Variants in MFHAS1 observed in about 807,000 individuals in gnomAD.
The protein encoded by MFHAS1 is malignant fibrous histiocytoma-amplified sequence 1.
Under a neutral mutation model 70.4 loss-of-function variants are expected in MFHAS1, and 50 were observed. The ratio of observed to expected loss-of-function variants is 0.71; its 90% confidence interval spans 0.57 to 0.90. MFHAS1 has a LOEUF of 0.90. MFHAS1 is among the 40% of genes least tolerant of loss of function. The pLI is 0.00. For missense variants in MFHAS1, 1,795 were observed against 1,347.6 expected (o/e 1.33, Z -5.20); for synonymous variants, 952 against 620.0 (o/e 1.54, Z -7.96).
At chr8:8,848,819 C>A (rs1402717342) in intron 1 of MFHAS1, among the ~76,000 whole-genome samples, 1 of 152,110 alleles carries the variant, frequency 6.6e-6, no homozygotes, top group Admixed American at 6.6e-5. Flanking sequence ...AGCCACAGAA[C>A]CAATTTAATC....
At chr8:8,844,064 A>G (rs1331477915) in intron 1 of MFHAS1, among the ~76,000 whole-genome samples, 4 of 152,226 alleles carry the variant, frequency 2.6e-5, no homozygotes, top group Non-Finnish European at 5.9e-5. Context: ...ATCCTTTTGA[A>G]AAGAATGACA....
At chr8:8,806,100 G>C (rs1356647610) in intron 1 of MFHAS1, among the ~76,000 whole-genome samples, 3 of 152,136 alleles carry the variant, frequency 2.0e-5, no homozygotes, top group Non-Finnish European at 4.4e-5. Flanking sequence ...CTGGTTATTT[G>C]CAATTCCTCT....
intron 1 of MFHAS1, among the ~76,000 whole-genome samples, chr8:8,882,814 G>C (rs140875273): frequency 1.3e-5 from 2 of 152,048 alleles, no homozygotes; most frequent in African/African-American, 4.8e-5. Flanking sequence ...CCCAGAAGAA[G>C]GTAAACCTGA....
rs961139847 is a variant in MFHAS1, at chr8:8,826,215, G to C, written c.2999-28724C>G. Among the ~76,000 whole-genome samples, 3 of 151,554 alleles carry C rather than the reference G, an allele frequency of 2.0e-5. No individual in the cohort carries two copies. In the South Asian group the frequency reaches 6.3e-4, roughly 32 times the overall value. On this transcript the variant is annotated intron_variant, in intron 1 of 2. Transcript: ENST00000276282. ...AACTACTGTTACCCATTTCTCAGGC[G>C]CCTTCCAGAAATACTGCATGCAAAC...
chr8:8,835,070 G>C (rs977292168), intron 1 of MFHAS1, among the ~76,000 whole-genome samples: 3 of 152,122 alleles, frequency 2.0e-5, no homozygotes, highest in African/African-American at 7.2e-5. Flanking sequence ...CATACTAAAT[G>C]ACTGAATGTA....
At chr8:8,787,468 T>C (rs1373916862) in intron 2 of MFHAS1, among the ~76,000 whole-genome samples, 1 of 152,186 alleles carries the variant, frequency 6.6e-6, no homozygotes, top group Non-Finnish European at 1.5e-5. Flanking sequence ...GAGCCAGGCC[T>C]TTCACTAGGG....
intron 1 of MFHAS1, among the ~76,000 whole-genome samples, chr8:8,883,694 C>G (rs372442655): frequency 5.6e-5 from 6 of 108,018 alleles, no homozygotes; most frequent in Admixed American, 1.3e-4. Flanking sequence ...GGCAACAGAG[C>G]GAGACTCAGT....
At chr8:8,882,387 T>G (rs542118115) in intron 1 of MFHAS1, among the ~76,000 whole-genome samples, 63 of 150,564 alleles carry the variant, frequency 4.2e-4, no homozygotes, top group Non-Finnish European at 6.6e-4. Flanking sequence ...AGACTCAGTC[T>G]CAAAACAAAC....
Position 8,797,391 on chromosome 8 carries a change from C to T in MFHAS1, c.3099G>A (p.Thr1033=), listed in dbSNP as rs146481883. The T allele has an allele frequency of 1.7e-4, 272 of 1,613,844 alleles. No homozygotes were observed. The highest frequency in any genetic ancestry group is 2.1e-4 in the Non-Finnish European group (249 of 1,179,974). The change falls in exon 2 of 3, where the codon ACG becomes ACA. Residue 1033 remains threonine (T), a synonymous_variant. Coordinates refer to ENST00000276282, the MANE Select transcript of MFHAS1 (RefSeq NM_004225.3). ...TGGAACAGGGGCTGATCACAGTCGG[C>T]GTGGGTGGGTAAACCAAGGCAACAT... ...RVNVALVYPP[T]PTVISPCSKK...
chr8:8,882,513 G>A (rs538083813), intron 1 of MFHAS1, among the ~76,000 whole-genome samples: 3 of 152,356 alleles, frequency 2.0e-5, no homozygotes, highest in African/African-American at 7.2e-5. Flanking sequence ...TCAGGAGGCT[G>A]AGGCAGAAGA....
chr8:8,856,995 AAAAAAAAAAAAAAG>A (rs1036101802), intron 1 of MFHAS1, among the ~76,000 whole-genome samples: 6 of 146,796 alleles, frequency 4.1e-5, no homozygotes, highest in African/African-American at 1.5e-4. Flanking sequence ...AAAAAAAAAA[AAAAAAAAAAAAAAG>A]AGGAGAGATA....
At chr8:8,826,247 AGTGTGT>A (rs112140342) in intron 1 of MFHAS1, among the ~76,000 whole-genome samples, 39 of 147,866 alleles carry the variant, frequency 2.6e-4, no homozygotes, top group African/African-American at 7.7e-4. Context: ...AAACACAAAG[AGTGTGT>A]GTGTGTGTGT....
chr8:8,858,592 G>A (rs1808538775), intron 1 of MFHAS1, among the ~76,000 whole-genome samples: 1 of 151,952 alleles, frequency 6.6e-6, no homozygotes, highest in Non-Finnish European at 1.5e-5. Context: ...CTTCATTGTG[G>A]CGATGGCCTC....
At chr8:8,870,049 T>C (rs1225745047) in intron 1 of MFHAS1, among the ~76,000 whole-genome samples, 1 of 152,160 alleles carries the variant, frequency 6.6e-6, no homozygotes, top group Non-Finnish European at 1.5e-5. Context: ...CCCTTCAGTA[T>C]TTTCCTCTCA....
chr8:8,881,008 C>G (rs985008786), intron 1 of MFHAS1, among the ~76,000 whole-genome samples: 6 of 152,082 alleles, frequency 3.9e-5, no homozygotes, highest in African/African-American at 1.4e-4. Context: ...ATGGGTGAAA[C>G]AGGCTCCAAA....
rs115207693 is a variant in MFHAS1, at chr8:8,878,438, T to C, written c.2998+11623A>G. On this transcript the variant is annotated intron_variant, in intron 1 of 2. Coordinates refer to ENST00000276282, the MANE Select transcript of MFHAS1 (RefSeq NM_004225.3). The stretch of plus-strand genomic sequence containing the variant: ...ATCACCCCTAGGAGGCACTTAGCAC[T>C]GTCTCTGCAACATGAGAAAACGTCA... Among the ~76,000 whole-genome samples the C allele has an allele frequency of 7.5e-3, 1,137 of 152,318 alleles. 20 individuals are homozygous for C. The highest frequency in any genetic ancestry group is 0.026 in the African/African-American group (1,092 of 41,568).
chr8:8,821,107 G>C (rs954960263), intron 1 of MFHAS1, among the ~76,000 whole-genome samples: 2 of 152,144 alleles, frequency 1.3e-5, no homozygotes, highest in Non-Finnish European at 2.9e-5. Context: ...GTTCCCAGGG[G>C]TCTGCAGGTC....
In MFHAS1 at chr8:8,891,025, T is replaced by C. The variant is rs1281113362; in HGVS notation, c.2034A>G (p.Arg678=). The C allele has an allele frequency of 1.9e-6, 3 of 1,613,474 alleles. No individual in the cohort carries two copies. The African/African-American group carries it at 4.0e-5, about 22-fold the overall frequency. The change falls in exon 1 of 3, where the codon CGA becomes CGG. Residue 678 remains arginine (R), a synonymous_variant. Coordinates refer to ENST00000276282, the MANE Select transcript of MFHAS1 (RefSeq NM_004225.3). The surrounding 1 kb of genome is among the most constrained non-coding windows in gnomAD (Gnocchi z 5.4). The stretch of plus-strand genomic sequence containing the variant: ...CCGAGTCCCACCAGCTTAGCCACAG[T>C]CGCTGGGCCTGAGGTGGCTGGAAAT... ...ELHFQPPQAQ[R]LWLSWWDSAR...
intron 2 of MFHAS1, among the ~76,000 whole-genome samples, chr8:8,794,516 G>A (rs1000955995): frequency 2.0e-5 from 3 of 152,176 alleles, no homozygotes; most frequent in African/African-American, 7.2e-5. Flanking sequence ...CGGTGAAGGT[G>A]GGGGAACACT....
Sources: gnomAD v4.1 joint callset for allele counts (sites outside exome capture counted in the v4.1 genomes callset) on GRCh38, gnomAD v4.1.1 for gene constraint, Gnocchi (gnomAD v3.1) non-coding constraint, MANE v1.5 for transcripts, NCBI Gene and HGNC (gene_info 2026-07-23, HGNC 2026-07-21) for gene names.